Variants in OTOGL observed in about 807,000 individuals in gnomAD.
OTOGL encodes the protein otogelin-like protein.
OTOGL carries 285 observed loss-of-function variants against 318.5 expected under a neutral mutation model. The observed-to-expected ratio is 0.89, with a 90% CI of 0.81 to 0.99. The LOEUF is 0.99. Ranked by LOEUF, OTOGL falls within the 50% of genes least tolerant of loss-of-function variation. The pLI, the probability that OTOGL is intolerant of heterozygous loss-of-function variation, is 0.00. For synonymous variants in OTOGL, 987 were observed against 936.5 expected (o/e 1.05, Z -0.99); for missense variants, 2,899 against 2,845.6 (o/e 1.02, Z -0.43).
chr12:80,176,149 C>T (rs1300106570), intron 1 of OTOGL, among the ~76,000 whole-genome samples: 6 of 152,116 alleles, frequency 3.9e-5, no homozygotes, highest in Admixed American at 1.3e-4. Context: ...GAGTTCTAGT[C>T]GCAGAAGTTT....
rs1299622253 is a variant in OTOGL, at chr12:80,377,907, T to A, written c.6921T>A (p.Ile2307=). 1 of 1,611,632 alleles carries A rather than the reference T, an allele frequency of 6.2e-7. No homozygotes were observed. The highest frequency in any genetic ancestry group is 1.1e-5 in the South Asian group (1 of 90,732). ...CAGCTACCATATATAACATCAATAT[T>A]GAAAGTCACCTAAGATTCTGCAAGT... ...CPSATIYNIN[I]ESHLRFCKCC... is the part of the protein sequence containing the mutation. Residue 2307 remains isoleucine, a synonymous_variant, in exon 59 of 59, where the codon ATT becomes ATA. Transcript: ENST00000547103.
At chr12:80,347,010 CA>C (rs1214242711) in intron 44 of OTOGL, among the ~76,000 whole-genome samples, 1 of 152,154 alleles carries the variant, frequency 6.6e-6, no homozygotes, top group East Asian at 1.9e-4. Context: ...AATATCCATG[CA>C]TTTCTTCCCA....
chr12:80,194,397 C>T (rs1472596401), intron 1 of OTOGL, among the ~76,000 whole-genome samples: 1 of 152,092 alleles, frequency 6.6e-6, no homozygotes, highest in Non-Finnish European at 1.5e-5. Context: ...TGAGAAACTC[C>T]CTAGCCCATC....
intron 1 of OTOGL, among the ~76,000 whole-genome samples, chr12:80,123,034 C>CT (rs922026290): frequency 0.021 from 3,103 of 144,688 alleles, 89 homozygotes; most frequent in African/African-American, 0.069. Context: ...GATTTCTTTT[C>CT]TTTTTTTTTT....
intron 26 of OTOGL, among the ~76,000 whole-genome samples, chr12:80,282,098 T>C (rs374395257): frequency 1.2e-4 from 19 of 152,028 alleles, no homozygotes; most frequent in African/African-American, 4.6e-4. Flanking sequence ...ACCTGTATAC[T>C]CAAATTTTAG....
chr12:80,236,109 A>G (rs891802152), intron 9 of OTOGL, among the ~76,000 whole-genome samples: 3 of 152,200 alleles, frequency 2.0e-5, no homozygotes, highest in Admixed American at 2.0e-4. Context: ...ATTCCAACTC[A>G]TCCTTCAGGG....
In OTOGL at chr12:80,238,876, G is replaced by C; in HGVS notation, c.843G>C (p.Met281Ile). The C allele has an allele frequency of 6.4e-7, 1 of 1,565,108 alleles. No homozygotes were observed. The highest frequency in any genetic ancestry group is 8.6e-7 in the Non-Finnish European group (1 of 1,161,268). ...AGGACTATACAGAAGACATCGCTAT[G>C]TTTGCAAATAGTTGGTCGGTGCAAA... ...LQEDYTEDIA[M>I]FANSWSVQTP... The change falls in exon 10 of 59, where the codon ATG becomes ATC. Residue 281 changes from methionine (M) to isoleucine (I), a missense_variant. Transcript: ENST00000547103.
At position 80,124,800 on chromosome 12, in the gene OTOGL, A is replaced by G. The variant is rs1592471366; in HGVS notation, c.-20+25195A>G. Among the ~76,000 whole-genome samples, 3 of 152,174 alleles carry G rather than the reference A, an allele frequency of 2.0e-5. No homozygotes were observed. The East Asian group carries it at 5.8e-4, about 29-fold the overall frequency. On this transcript the variant is annotated intron_variant, in intron 1 of 58. Transcript: ENST00000547103. ...TAGGTATTTTATTCTCTTTGAAGCA[A>G]TTGTGAATGGGAGTTCACTCATGAT...
chr12:80,289,521 G>C (rs1884882788), intron 26 of OTOGL, among the ~76,000 whole-genome samples: 1 of 152,194 alleles, frequency 6.6e-6, no homozygotes, highest in South Asian at 2.1e-4. Context: ...CAGGTGCTCT[G>C]TCCAGGGAGA....
intron 7 of OTOGL, among the ~76,000 whole-genome samples, chr12:80,227,175 G>A (rs928288390): frequency 6.6e-6 from 1 of 151,642 alleles, no homozygotes; most frequent in Admixed American, 6.6e-5. Flanking sequence ...TCTACATTTC[G>A]GGATATTTCT....
intron 18 of OTOGL, among the ~76,000 whole-genome samples, chr12:80,259,495 A>G (rs1882347764): frequency 6.6e-6 from 1 of 151,858 alleles, no homozygotes; most frequent in Admixed American, 6.6e-5. Flanking sequence ...TAAGCCCCGC[A>G]TGCATTAGGT....
intron 33 of OTOGL, among the ~76,000 whole-genome samples, chr12:80,319,648 G>C (rs1887198530): frequency 6.6e-6 from 1 of 152,010 alleles, no homozygotes; most frequent in South Asian, 2.1e-4. Context: ...GAATTTGGGA[G>C]AGCTCTTGAT....
At chr12:80,252,896 A>G (rs1469270044) in intron 13 of OTOGL, among the ~76,000 whole-genome samples, 1 of 152,180 alleles carries the variant, frequency 6.6e-6, no homozygotes, top group Non-Finnish European at 1.5e-5. Context: ...ACCAGAATGT[A>G]AGCCCAAGCA....
intron 7 of OTOGL, among the ~76,000 whole-genome samples, chr12:80,226,132 C>T (rs531892416): frequency 1.2e-3 from 174 of 148,824 alleles, no homozygotes; most frequent in African/African-American, 3.7e-3. Context: ...CTTCCTGTTA[C>T]GGAAAATGAG....
chr12:80,144,031 G>C (rs1406425380), intron 1 of OTOGL, among the ~76,000 whole-genome samples: 3 of 150,616 alleles, frequency 2.0e-5, no homozygotes, highest in Non-Finnish European at 4.4e-5. Flanking sequence ...AAAATGCTCT[G>C]TCGTTTTGTG....
intron 28 of OTOGL, among the ~76,000 whole-genome samples, chr12:80,304,941 C>A (rs1886010542): frequency 6.6e-6 from 1 of 152,194 alleles, no homozygotes; most frequent in Non-Finnish European, 1.5e-5. Context: ...CTTAGAATTA[C>A]ATCTGCCATA....
At chr12:80,130,319 C>G (rs1445122151) in intron 1 of OTOGL, among the ~76,000 whole-genome samples, 2 of 152,168 alleles carry the variant, frequency 1.3e-5, no homozygotes, top group African/African-American at 4.8e-5. Flanking sequence ...GAAAACACAT[C>G]AGCATTTGTC....
intron 26 of OTOGL, among the ~76,000 whole-genome samples, chr12:80,285,894 A>G (rs1167687916): frequency 6.6e-6 from 1 of 152,132 alleles, no homozygotes; most frequent in African/African-American, 2.4e-5. Context: ...CCTGGCCAGA[A>G]CTTCCAACAC....
At chr12:80,181,111 T>C (rs1051116990) in intron 1 of OTOGL, among the ~76,000 whole-genome samples, 8 of 152,192 alleles carry the variant, frequency 5.3e-5, no homozygotes, top group Non-Finnish European at 8.8e-5. Context: ...ATTATGAGCA[T>C]GAAGGTTTGT....
Sources: allele counts gnomAD v4.1 joint callset (sites outside exome capture counted in the v4.1 genomes callset), GRCh38; gene constraint gnomAD v4.1.1; transcripts MANE v1.5; gene names NCBI Gene and HGNC (gene_info 2026-07-23, HGNC 2026-07-21).